The following CD36 variants were observed in gnomAD, a reference collection of about 807,000 sequenced individuals.
CD36 encodes CD36 molecule (CD36 blood group).
In CD36, 119 loss-of-function variants were observed where a neutral mutation model predicts 55.2. The observed-to-expected ratio is 2.15, with a 90% CI of 1.86 to 2.51. CD36 has a LOEUF of 2.51. CD36 is among the 30% of genes most tolerant of loss of function. The pLI, the probability that CD36 is intolerant of heterozygous loss-of-function variation, is 0.00. For synonymous variants in CD36, 186 were observed against 193.6 expected (o/e 0.96, Z 0.33); for missense variants, 819 against 555.5 (o/e 1.47, Z -4.77).
chr7:80,674,720 T>C (rs1159001727), intron 14 of CD36, among the ~76,000 whole-genome samples: 2 of 152,090 alleles, frequency 1.3e-5, no homozygotes, highest in African/African-American at 4.8e-5. Context: ...GCCTGACCTT[T>C]CCTAAAGGAA....
chr7:80,656,739 G>A, intron 4 of CD36, 39 bp downstream of exon 4: 1 of 1,574,060 alleles, frequency 6.4e-7, no homozygotes, highest in Middle Eastern at 1.7e-4. Flanking sequence ...CTCTTACCTT[G>A]ACCATGTATT....
chr7:80,662,777 A>G lies in CD36; in HGVS notation c.430-213A>G, dbSNP rs922566741. On this transcript the variant is annotated intron_variant, in intron 5 of 14. Transcript: ENST00000447544. ...GTTAAATAAATAGAGCTTAACTTGGAATGTCGTCTTCTTGTGGCTGGCACT... is the reference window on the plus strand; with the variant it reads ...GTTAAATAAATAGAGCTTAACTTGGGATGTCGTCTTCTTGTGGCTGGCACT... 5.3e-5 allele frequency among the ~76,000 whole-genome samples: 8 copies of G among 152,184 alleles called. No individual in the cohort carries two copies. The South Asian group carries it at 6.2e-4, about 12-fold the overall frequency.
chr7:80,646,420 AAGG>A (rs55849243), intron 2 of CD36: 4,613 of 346,346 alleles, frequency 0.013, 56 homozygotes, highest in Non-Finnish European at 0.017. Flanking sequence ...GAAAATTAAA[AAGG>A]AGGAATATGA....
intron 6 of CD36, 88 bp from the exon 7 acceptor site, chr7:80,664,318 G>C: frequency 1.3e-6 from 1 of 769,118 alleles, no homozygotes; most frequent in Non-Finnish European, 2.4e-6. Context: ...AGTAACCAGT[G>C]ATTGAGAAAT....
Position 80,660,932 on chromosome 7 carries a change from A to AC in CD36, c.282-129dup. ...ACCCTGGCTGATTTCTCATTTTAAC[A>AC]CCATTGCTTACATACTATCTATCTG... is the stretch of plus-strand genomic sequence containing the variant. On this transcript the variant is annotated intron_variant, in intron 4 of 14. Coordinates refer to ENST00000447544, the MANE Select transcript of CD36 (RefSeq NM_001001548.3). 5.4e-6 allele frequency: 4 copies of AC among 742,344 alleles called. No individual in the cohort carries two copies. The East Asian group carries it at 1.1e-4, about 20-fold the overall frequency. The allele number at this position is 742,344 out of a possible 1,614,324, so 46.0% of individuals were successfully genotyped here.
chr7:80,644,009 A>G (rs999190928), intron 1 of CD36, among the ~76,000 whole-genome samples: 18 of 152,190 alleles, frequency 1.2e-4, no homozygotes, highest in African/African-American at 4.1e-4. Flanking sequence ...AACATACAGA[A>G]CACCAGCATG....
At chr7:80,641,526 T>C (rs1434960731) in intron 1 of CD36, among the ~76,000 whole-genome samples, 5 of 152,016 alleles carry the variant, frequency 3.3e-5, no homozygotes, top group Admixed American at 1.3e-4. Context: ...TCTGGTTTTC[T>C]ATCCTAAGAA....
At chr7:80,651,211 A>C (rs1210216717) in intron 3 of CD36, among the ~76,000 whole-genome samples, 1 of 152,074 alleles carries the variant, frequency 6.6e-6, no homozygotes, top group Non-Finnish European at 1.5e-5. Flanking sequence ...TAAAGAAGGG[A>C]ACAATAGACA....
intron 1 of CD36, among the ~76,000 whole-genome samples, chr7:80,609,133 T>A (rs1241824187): frequency 6.6e-6 from 1 of 152,108 alleles, no homozygotes; most frequent in East Asian, 1.9e-4. Flanking sequence ...TTCCAGGTAA[T>A]CAAGGCACAC....
chr7:80,672,532 A>G (rs1797794979), intron 11 of CD36, among the ~76,000 whole-genome samples: 1 of 151,880 alleles, frequency 6.6e-6, no homozygotes, highest in African/African-American at 2.4e-5. Context: ...AACCATTTCA[A>G]GTAACTCACA....
intron 14 of CD36, among the ~76,000 whole-genome samples, chr7:80,675,278 C>G (rs545917052): frequency 1.3e-5 from 2 of 151,606 alleles, no homozygotes; most frequent in East Asian, 3.9e-4. Context: ...CAAATTATGA[C>G]TAAACAAAGG....
At chr7:80,652,705 A>G (rs1291598676) in intron 3 of CD36, among the ~76,000 whole-genome samples, 2 of 152,234 alleles carry the variant, frequency 1.3e-5, no homozygotes, top group African/African-American at 2.4e-5. Flanking sequence ...AGGATATTAT[A>G]TAAGTTATTG....
chr7:80,676,315 C>A (rs1798163077), intron 14 of CD36, 69 bp from the exon 15 acceptor site: 1 of 151,844 alleles, frequency 6.6e-6, no homozygotes, highest in Non-Finnish European at 1.5e-5. Context: ...CTCTACCTTG[C>A]ACAAAAAAAA....
Position 80,678,757 on chromosome 7 carries a change from T to A in CD36, c.*2374T>A, listed in dbSNP as rs183691689. On this transcript the variant is annotated 3_prime_UTR_variant, in exon 15 of 15. Transcript: ENST00000447544. ...AGTCCCAGCTGCTCGGGAGACTGAATCTCTTGAGCCTGGGAAGCAGAGGTT... is the reference window on the plus strand; with the variant it reads ...AGTCCCAGCTGCTCGGGAGACTGAAACTCTTGAGCCTGGGAAGCAGAGGTT... 1.3e-5 allele frequency: 2 copies of A among 151,630 alleles called. No individual in the cohort carries two copies. The highest frequency in any genetic ancestry group is 3.9e-4 in the East Asian group (2 of 5,120). 9.4% of individuals were successfully genotyped at this position (151,630 alleles called of 1,614,324 possible).
chr7:80,615,390 T>G (rs1584276769), intron 1 of CD36, among the ~76,000 whole-genome samples: 1 of 152,206 alleles, frequency 6.6e-6, no homozygotes, highest in Non-Finnish European at 1.5e-5. Flanking sequence ...TTTTCCTCAC[T>G]TTTTGCAACT....
At position 80,647,242 on chromosome 7, in the gene CD36, A is replaced by C. The variant is rs1795236016; in HGVS notation, c.120+382A>C. ...TAAAAGAAGTTGCACTTTAGTTAAT[A>C]CTGAGAAAAGTAAAACTGTGTGTGT... On this transcript the variant is annotated intron_variant, in intron 3 of 14. Transcript: ENST00000447544. 1.5e-5 allele frequency: 4 copies of C among 261,546 alleles called. No homozygotes were observed. The South Asian group carries it at 1.7e-4, about 11-fold the overall frequency. 16.2% of individuals were successfully genotyped at this position (261,546 alleles called of 1,614,324 possible). A position where few individuals can be genotyped will look rare whatever the true frequency, so the allele number is the denominator to read the frequency against.
chr7:80,636,133 G>C (rs1382128636), upstream of CD36, among the ~76,000 whole-genome samples: 1 of 152,030 alleles, frequency 6.6e-6, no homozygotes, highest in Non-Finnish European at 1.5e-5. Context: ...GAATTTCTTC[G>C]ATGGTGATAA....
upstream of CD36, among the ~76,000 whole-genome samples, chr7:80,636,171 C>CGGAGAGG (rs1368795458): frequency 8.6e-5 from 13 of 151,992 alleles, no homozygotes; most frequent in Admixed American, 3.3e-4. Context: ...AAGCAGAGAA[C>CGGAGAGG]GGAGAGGGGA....
chr7:80,619,845 G>T (rs1793363140), intron 1 of CD36, among the ~76,000 whole-genome samples: 1 of 152,040 alleles, frequency 6.6e-6, no homozygotes, highest in South Asian at 2.1e-4. Flanking sequence ...AACCATCATG[G>T]ATGACTGAGG....
Sources: gnomAD v4.1 joint callset for allele counts (sites outside exome capture counted in the v4.1 genomes callset) on GRCh38, gnomAD v4.1.1 for gene constraint, MANE v1.5 for transcripts, NCBI Gene and HGNC (gene_info 2026-07-23, HGNC 2026-07-21) for gene names.